Variants in LIPC observed in about 807,000 individuals in gnomAD.
The protein encoded by LIPC is hepatic triacylglycerol lipase.
A neutral mutation model predicts 50.7 loss-of-function variants in LIPC; 44 were observed. The observed-to-expected ratio is 0.87, with a 90% CI of 0.68 to 1.11. The LOEUF is 1.11. LIPC is among the 50% of genes most tolerant of loss of function. The probability of loss-of-function intolerance (pLI) is 0.00; values close to 1 mark genes in which losing one functional copy is unlikely to be tolerated. For missense variants in LIPC, 697 were observed against 648.2 expected (o/e 1.08, Z -0.82); for synonymous variants, 271 against 256.4 (o/e 1.06, Z -0.54).
At chr15:58,534,668 GT>G (rs1275130093) in intron 1 of LIPC, among the ~76,000 whole-genome samples, 6 of 152,140 alleles carry the variant, frequency 3.9e-5, no homozygotes, top group African/African-American at 1.4e-4. Flanking sequence ...CCAAAAAAGT[GT>G]GAGTGCCTGG....
Position 58,541,851 on chromosome 15 carries a change from CCAG to C in LIPC, c.341_343del (p.Pro114_Val115delinsLeu), listed in dbSNP as rs750951739. 4 of 1,613,196 alleles carry C rather than the reference CCAG, an allele frequency of 2.5e-6. No individual in the cohort carries two copies. The highest frequency in any genetic ancestry group is 3.4e-6 in the Non-Finnish European group (4 of 1,179,986). Reference sequence around the variant, plus strand: ...CGCGCTGAAGTCTCAGCCGGCCCAGCCAGTGAACGTGGGGCTGGTGGACTGGAT... The same window carrying C: ...CGCGCTGAAGTCTCAGCCGGCCCAGCTGAACGTGGGGCTGGTGGACTGGAT... On this transcript the variant is annotated inframe_deletion, in exon 3 of 9. Transcript: ENST00000299022.
chr15:58,561,042 A>C, intron 7 of LIPC, 61 bp downstream of exon 7: 5 of 862,252 alleles, frequency 5.8e-6, no homozygotes, highest in Non-Finnish European at 1.0e-5. Context: ...CAGAACATAA[A>C]TGGACTCTGT....
At chr15:58,519,180 A>C (rs1892575321) in intron 1 of LIPC, among the ~76,000 whole-genome samples, 1 of 152,066 alleles carries the variant, frequency 6.6e-6, no homozygotes, top group Non-Finnish European at 1.5e-5. Flanking sequence ...AGGCCGAGGC[A>C]GGCAGATCAC....
chr15:58,542,725 A>AG (rs1893376899), intron 4 of LIPC, 74 bp downstream of exon 4: 1 of 970,284 alleles, frequency 1.0e-6, no homozygotes, highest in Non-Finnish European at 1.7e-6. Flanking sequence ...CTTTTCCAAC[A>AG]GGCTCATCAT....
At chr15:58,498,419 C>T (rs1891852268) in intron 1 of LIPC, among the ~76,000 whole-genome samples, 1 of 151,994 alleles carries the variant, frequency 6.6e-6, no homozygotes. Flanking sequence ...GGCCATATTG[C>T]CCCCAAGAGG....
intron 1 of LIPC, among the ~76,000 whole-genome samples, chr15:58,529,797 G>T (rs1409146377): frequency 6.6e-6 from 1 of 152,218 alleles, no homozygotes. Context: ...GGGCATGTCA[G>T]GTGGCCTTTC....
At position 58,469,121 on chromosome 15, in the gene LIPC, T is replaced by TGGGTGTGG. The variant is rs1555399018; in HGVS notation, c.88+37002_88+37003insGGTGTGGG. On this transcript the variant is annotated intron_variant, in intron 1 of 8. Transcript: ENST00000299022. ...AACATTTTGTGTGTGTGTGTGTGTG[T>TGGGTGTGG]GTGTGTGTGTGTGTGTGTGTGTACG... Among the ~76,000 whole-genome samples the TGGGTGTGG allele has an allele frequency of 1.4e-4, 21 of 150,190 alleles. 1 individual carries two copies. Among genetic ancestry groups the TGGGTGTGG allele is most frequent in the Admixed American group, 1.2e-3 (18 of 15,030 alleles).
intron 1 of LIPC, chr15:58,521,267 C>G (rs1376682786): frequency 6.6e-6 from 1 of 152,078 alleles, no homozygotes; most frequent in African/African-American, 2.4e-5. Flanking sequence ...AGCAGATAAC[C>G]CACCTCTGTG....
chr15:58,506,895 G>C lies in LIPC; in HGVS notation c.89-31438G>C, dbSNP rs1316050504. Among the ~76,000 whole-genome samples, 11 of 152,192 alleles carry C rather than the reference G, an allele frequency of 7.2e-5. No individual in the cohort carries two copies. In the South Asian group the frequency reaches 1.7e-3, roughly 23 times the overall value. ...ACTGACTCACAGTTCAGCATGGCTT[G>C]GGAGGCCTCAGGAAACTTACAATCA... On this transcript the variant is annotated intron_variant, in intron 1 of 8. Transcript: ENST00000299022.
At chr15:58,526,945 C>T (rs1035663783) in intron 1 of LIPC, among the ~76,000 whole-genome samples, 5 of 152,190 alleles carry the variant, frequency 3.3e-5, no homozygotes, top group Admixed American at 6.5e-5. Flanking sequence ...ACAGAACTGA[C>T]TGGCTCCAAA....
At chr15:58,436,943 A>G (rs1174937932) in intron 1 of LIPC, 1 of 448,652 alleles carries the variant, frequency 2.2e-6, no homozygotes, top group Non-Finnish European at 4.5e-6. Context: ...TATCCCATAG[A>G]ACGGTGTTGA....
chr15:58,494,609 C>T (rs1296652923), intron 1 of LIPC, among the ~76,000 whole-genome samples: 1 of 152,198 alleles, frequency 6.6e-6, no homozygotes, highest in Non-Finnish European at 1.5e-5. Context: ...TGTGAGGACT[C>T]CTATTCTGTT....
chr15:58,554,927 C>T (rs1321341612), intron 6 of LIPC, among the ~76,000 whole-genome samples: 1 of 152,204 alleles, frequency 6.6e-6, no homozygotes, highest in Non-Finnish European at 1.5e-5. Flanking sequence ...AAGGGTGCCT[C>T]AGCCATCAGC....
Position 58,545,841 on chromosome 15 carries a change from G to A in LIPC, c.674G>A (p.Arg225Gln), listed in dbSNP as rs575306493. 63 of 1,614,126 alleles carry A rather than the reference G, an allele frequency of 3.9e-5. No individual in the cohort carries two copies. In the East Asian group the frequency reaches 4.9e-4, roughly 13 times the overall value. ...NFVDAIHTFT[R>Q]EHMGLSVGIK... ...GTGGATGCCATTCATACCTTTACCC[G>A]GGAGCACATGGGCCTGAGCGTGGGC... Residue 225 changes from arginine to glutamine, a missense_variant, in exon 5 of 9, where the codon CGG becomes CAG. Arg to Gln is a conservative substitution (Grantham distance 43). Coordinates refer to ENST00000299022, the MANE Select transcript of LIPC (RefSeq NM_000236.3).
Position 58,437,457 on chromosome 15 carries a change from A to G in LIPC, c.88+5337A>G, listed in dbSNP as rs191173512. On this transcript the variant is annotated intron_variant, in intron 1 of 8. Coordinates refer to ENST00000299022, the MANE Select transcript of LIPC (RefSeq NM_000236.3). ...TGAAAACACTGTAGACACATGCTGT[A>G]TATTGCTAGAGATTCTAAGTATATT... Among the ~76,000 whole-genome samples the G allele has an allele frequency of 2.0e-5, 3 of 152,330 alleles. No individual in the cohort carries two copies. The East Asian group carries it at 5.8e-4, about 29-fold the overall frequency.
At chr15:58,441,761 A>G (rs1301075403) in intron 1 of LIPC, among the ~76,000 whole-genome samples, 4 of 152,250 alleles carry the variant, frequency 2.6e-5, no homozygotes, top group Admixed American at 2.6e-4. Flanking sequence ...AATATAATCA[A>G]TAAATGATCT....
At chr15:58,453,124 C>T (rs1476203807) in intron 1 of LIPC, among the ~76,000 whole-genome samples, 1 of 152,138 alleles carries the variant, frequency 6.6e-6, no homozygotes, top group South Asian at 2.1e-4. Context: ...TGTGGGGACC[C>T]ATCCCCTCAG....
chr15:58,458,368 C>T (rs1487954258), intron 1 of LIPC, among the ~76,000 whole-genome samples: 3 of 152,124 alleles, frequency 2.0e-5, no homozygotes, highest in Non-Finnish European at 4.4e-5. Flanking sequence ...CCACCACGTC[C>T]TTCTACCTCT....
At chr15:58,506,936 C>T (rs942739252) in intron 1 of LIPC, among the ~76,000 whole-genome samples, 3 of 152,200 alleles carry the variant, frequency 2.0e-5, no homozygotes, top group Admixed American at 6.5e-5. Context: ...GAGGAGGAAG[C>T]AAACACATCC....
Sources: gnomAD v4.1 joint callset for allele counts (sites outside exome capture counted in the v4.1 genomes callset) on GRCh38, gnomAD v4.1.1 for gene constraint, MANE v1.5 for transcripts, NCBI Gene and HGNC (gene_info 2026-07-23, HGNC 2026-07-21) for gene names.